TRIOBP: variants seen among roughly 807,000 people sequenced by gnomAD.
The protein encoded by TRIOBP is TRIO and F-actin binding protein, also known as TRIO and F-actin-binding protein.
A neutral mutation model predicts 238.8 loss-of-function variants in TRIOBP; 169 were observed. The observed-to-expected ratio is 0.71, with a 90% CI of 0.62 to 0.80. The LOEUF (loss-of-function observed/expected upper bound fraction) is 0.80, where lower values mean the gene tolerates loss of function less well. Ranked by LOEUF, TRIOBP falls within the 30% of genes least tolerant of loss-of-function variation. The pLI is 0.00. For missense variants in TRIOBP, 2,838 were observed against 3,122.6 expected (o/e 0.91, Z 2.17); for synonymous variants, 1,150 against 1,274.4 (o/e 0.90, Z 2.08).
chr22:37,703,485 T>C (rs184509226), intron 3 of TRIOBP, among the ~76,000 whole-genome samples: 40 of 150,962 alleles, frequency 2.6e-4, no homozygotes, highest in African/African-American at 8.7e-4. Context: ...GTCATTCCCA[T>C]TGGGGTCTGA....
Position 37,770,769 on chromosome 22 carries a change from G to A in TRIOBP, c.6850-881G>A, listed in dbSNP as rs544014970. Among the ~76,000 whole-genome samples, 7 of 150,066 alleles carry A rather than the reference G, an allele frequency of 4.7e-5. No individual in the cohort carries two copies. The South Asian group carries it at 1.1e-3, about 23-fold the overall frequency. On this transcript the variant is annotated intron_variant, in intron 21 of 23. Transcript: ENST00000644935. ...ACCATCTCGGCTCACTGCAAGCTCC[G>A]CCTCTCGGGTTCATGCCATTCTCCT...
At chr22:37,746,256 C>T (rs1925248012) in intron 11 of TRIOBP, 4 of 1,072,654 alleles carry the variant, frequency 3.7e-6, no homozygotes, top group Non-Finnish European at 4.5e-6. Context: ...ATGGAAGGGG[C>T]CGGGGCAGCG....
Position 37,739,478 on chromosome 22 carries a change from A to C in TRIOBP, c.5184+759A>C, listed in dbSNP as rs187948930. 3.8e-3 allele frequency among the ~76,000 whole-genome samples: 583 copies of C among 152,246 alleles called. 2 individuals carry two copies. Among genetic ancestry groups the C allele is most frequent in the African/African-American group, 0.013 (541 of 41,528 alleles). On this transcript the variant is annotated intron_variant, in intron 10 of 23. Coordinates refer to ENST00000644935, the MANE Select transcript of TRIOBP (RefSeq NM_001039141.3). Reference sequence around the variant, plus strand: ...CCTGCCGTGAGTCAAAGCTGGGGGAATTCTGCCCAAACCCTCACTGTGCAG... The same window carrying C: ...CCTGCCGTGAGTCAAAGCTGGGGGACTTCTGCCCAAACCCTCACTGTGCAG...
At chr22:37,707,201 G>C (rs907236375) in intron 3 of TRIOBP, among the ~76,000 whole-genome samples, 4 of 152,052 alleles carry the variant, frequency 2.6e-5, no homozygotes, top group Non-Finnish European at 5.9e-5. Context: ...TCTTGAATCC[G>C]GGAGGCGGAG....
chr22:37,709,353 G>A (rs186659252), intron 3 of TRIOBP, among the ~76,000 whole-genome samples: 5 of 152,310 alleles, frequency 3.3e-5, no homozygotes, highest in African/African-American at 1.2e-4. Flanking sequence ...GGGTTCCTGC[G>A]GTTTCATGTC....
Position 37,755,599 on chromosome 22 carries a change from G to T in TRIOBP, c.5627G>T (p.Arg1876Leu). Residue 1876 changes from arginine (R) to leucine (L), a missense_variant, in exon 15 of 24, where the codon CGG becomes CTG. Arg to Leu is a moderately radical substitution (Grantham distance 102). Transcript: ENST00000644935. Reference protein sequence around the residue: ...TLSAMTSGIRRNWIEALRKTV... With the variant: ...TLSAMTSGIRLNWIEALRKTV... The stretch of plus-strand genomic sequence containing the variant: ...TCGGCCATGACCTCAGGCATCCGGC[G>T]GAACTGGATCGAGGCTCTGAGAAAG... 1 of 1,614,064 alleles carries T rather than the reference G, an allele frequency of 6.2e-7. No homozygotes were observed. Among genetic ancestry groups the T allele is most frequent in the African/African-American group, 1.3e-5 (1 of 75,026 alleles).
At chr22:37,742,747 C>T (rs1406763931) in intron 11 of TRIOBP, among the ~76,000 whole-genome samples, 6 of 152,162 alleles carry the variant, frequency 3.9e-5, no homozygotes, top group South Asian at 2.1e-4. Flanking sequence ...GAAGGAGGAG[C>T]GAAGCAGGGA....
Position 37,769,045 on chromosome 22 carries a change from T to A in TRIOBP, c.6593T>A (p.Leu2198Gln). The part of the protein sequence containing the change: ...RKQHQSDVEA[L>Q]KRELQVLSEQ... ...TGGGGCAGGTCAGATGTGGAGGCAC[T>A]GAAGCGAGAGCTGCAGGTGCTATCG... The change falls in exon 20 of 24, where the codon CTG becomes CAG. Residue 2198 changes from leucine (L) to glutamine (Q), a missense_variant. Leu to Gln is a moderately radical substitution (Grantham distance 113, BLOSUM62 -2). Around this residue, in one of 5 missense-constraint regions of TRIOBP, gnomAD observed 2,096 missense variants for 2,137.4 expected, o/e 0.98. Coordinates refer to ENST00000644935, the MANE Select transcript of TRIOBP (RefSeq NM_001039141.3). The A allele has an allele frequency of 6.2e-7, 1 of 1,613,460 alleles. No homozygotes were observed. The highest frequency in any genetic ancestry group is 8.5e-7 in the Non-Finnish European group (1 of 1,180,022).
At chr22:37,711,605 A>C (rs28414597) in intron 4 of TRIOBP, among the ~76,000 whole-genome samples, 5 of 151,558 alleles carry the variant, frequency 3.3e-5, no homozygotes, top group African/African-American at 1.2e-4. Flanking sequence ...ACAAAAAAAA[A>C]AAACAAAAAA....
chr22:37,760,283 C>T (rs1926178414), intron 17 of TRIOBP: 1 of 152,232 alleles, frequency 6.6e-6, no homozygotes, highest in Non-Finnish European at 1.5e-5. Context: ...TTAGCATTTT[C>T]TTATCACTTG....
intron 6 of TRIOBP, among the ~76,000 whole-genome samples, chr22:37,722,369 G>T (rs927988684): frequency 6.7e-6 from 1 of 150,170 alleles, no homozygotes; most frequent in Non-Finnish European, 1.5e-5. Context: ...CTTAGGTTGC[G>T]GTGAGCCGAG....
chr22:37,720,322 C>T (rs1923761694), intron 6 of TRIOBP, among the ~76,000 whole-genome samples: 1 of 152,026 alleles, frequency 6.6e-6, no homozygotes, highest in Admixed American at 6.6e-5. Context: ...CGGCCCACTG[C>T]TACAATACTA....
intron 12 of TRIOBP, among the ~76,000 whole-genome samples, chr22:37,754,632 T>A (rs1290248955): frequency 1.3e-5 from 2 of 152,056 alleles, no homozygotes; most frequent in African/African-American, 2.4e-5. Context: ...CCGGGGTGCC[T>A]GAGGAGCCTT....
rs368763356 is a variant in TRIOBP at position 37,701,440 on chromosome 22, C to T, written c.75C>T (p.Asn25=). The part of the protein sequence containing the change: ...ANILTQNRCQ[N]CFHPEEAHGA... ...TACTTACCCAGAACCGCTGTCAAAA[C>T]TGCTTCCACCCTGAGGAGGCCCATG... is the stretch of plus-strand genomic sequence containing the variant. The change falls in exon 3 of 24, where the codon AAC becomes AAT. Residue 25 remains asparagine (N), a synonymous_variant. Transcript: ENST00000644935. 3.1e-6 allele frequency: 5 copies of T among 1,613,616 alleles called. No homozygotes were observed. The African/African-American group carries it at 4.0e-5, about 13-fold the overall frequency.
chr22:37,726,404 C>T lies in TRIOBP; in HGVS notation c.3848C>T (p.Ala1283Val), dbSNP rs755613382. The T allele has an allele frequency of 3.2e-6, 5 of 1,585,624 alleles. No homozygotes were observed. Among genetic ancestry groups the T allele is most frequent in the Non-Finnish European group, 4.3e-6 (5 of 1,166,120 alleles). ...GACCTGCCCCCACCCAGGAGGCTGGCCCAGAGACAGCCAGGGCCCCAGGCG... is the reference window on the plus strand; with the variant it reads ...GACCTGCCCCCACCCAGGAGGCTGGTCCAGAGACAGCCAGGGCCCCAGGCG... The part of the protein sequence containing the change: ...LADLPPPRRL[A>V]QRQPGPQAQC... The change falls in exon 7 of 24, where the codon GCC becomes GTC. Residue 1283 changes from alanine to valine, a missense_variant. Around this residue, in one of 5 missense-constraint regions of TRIOBP, gnomAD observed 2,096 missense variants for 2,137.4 expected, o/e 0.98. Coordinates refer to ENST00000644935, the MANE Select transcript of TRIOBP (RefSeq NM_001039141.3).
rs1925604685 is a variant in TRIOBP at position 37,751,536 on chromosome 22, A to G, written c.5323-236A>G. 5.2e-6 allele frequency: 3 copies of G among 574,342 alleles called. No individual in the cohort carries two copies. The South Asian group carries it at 5.9e-5, about 11-fold the overall frequency. 35.6% of individuals were successfully genotyped at this position (574,342 alleles called of 1,614,324 possible). On this transcript the variant is annotated intron_variant, in intron 11 of 23. Transcript: ENST00000644935. ...ATCTGGGTGTGTGTGCCAGCCACCC[A>G]GCCCAACTTCTTGGCTCTCTGAGTG...
At chr22:37,745,620 T>C (rs555555566) in intron 11 of TRIOBP, among the ~76,000 whole-genome samples, 9 of 152,214 alleles carry the variant, frequency 5.9e-5, no homozygotes, top group Non-Finnish European at 1.2e-4. Context: ...AGAACTCACT[T>C]TGTGTCCAGC....
In TRIOBP at chr22:37,738,640, A is replaced by G. The variant is rs1924796033; in HGVS notation, c.5107-2A>G. 1.9e-6 allele frequency: 3 copies of G among 1,613,820 alleles called. No individual in the cohort carries two copies. The highest frequency in any genetic ancestry group is 2.5e-6 in the Non-Finnish European group (3 of 1,179,896). ...AAGCTGTGTTCTTTTTTTAATCTCCAGTTCCAACCAGAGGAGCCTGAGGAG... is the reference window on the plus strand; with the variant it reads ...AAGCTGTGTTCTTTTTTTAATCTCCGGTTCCAACCAGAGGAGCCTGAGGAG... On this transcript the variant is annotated splice_acceptor_variant, in intron 9 of 23. Coordinates refer to ENST00000644935, the MANE Select transcript of TRIOBP (RefSeq NM_001039141.3). LOFTEE classifies it high-confidence loss of function.
Position 37,765,772 on chromosome 22 carries a change from G to C in TRIOBP, c.6427G>C (p.Glu2143Gln). The change falls in exon 18 of 24, where the codon GAG becomes CAG. Residue 2143 changes from glutamate (E) to glutamine (Q), a missense_variant. Coordinates refer to ENST00000644935, the MANE Select transcript of TRIOBP (RefSeq NM_001039141.3). ...GCGGGAGCTGCAGCGCCTGCAGCAG[G>C]AGAAGGAGTGGCTCCTGGCTGAGGA... is the stretch of plus-strand genomic sequence containing the variant. ...HERELQRLQQ[E>Q]KEWLLAEETA... 1.3e-6 allele frequency: 2 copies of C among 1,589,460 alleles called. No individual in the cohort carries two copies. Among genetic ancestry groups the C allele is most frequent in the African/African-American group, 1.3e-5 (1 of 74,570 alleles).
Sources: allele counts gnomAD v4.1 joint callset (sites outside exome capture counted in the v4.1 genomes callset), GRCh38; gene constraint gnomAD v4.1.1; regional missense constraint gnomAD v4.1.1; transcripts MANE v1.5; gene names NCBI Gene and HGNC (gene_info 2026-07-23, HGNC 2026-07-21).